Variants in FCHSD2 observed in about 807,000 individuals in gnomAD.
FCHSD2 encodes FCH and double SH3 domains 2.
A neutral mutation model predicts 108.1 loss-of-function variants in FCHSD2; 38 were observed. The observed-to-expected ratio is 0.35, with a 90% CI of 0.27 to 0.46. The LOEUF is 0.46. FCHSD2 is among the 20% of genes least tolerant of loss of function. The pLI, the probability that FCHSD2 is intolerant of heterozygous loss-of-function variation, is 1.00. For missense variants in FCHSD2, 751 were observed against 897.8 expected (o/e 0.84, Z 2.09); for synonymous variants, 279 against 314.7 (o/e 0.89, Z 1.20).
At chr11:72,998,996 TGTTA>T (rs1462339035) in intron 5 of FCHSD2, among the ~76,000 whole-genome samples, 2 of 152,174 alleles carry the variant, frequency 1.3e-5, no homozygotes, top group African/African-American at 4.8e-5. Context: ...TGGAGAGAGT[TGTTA>T]GTGAGTGAAG....
At chr11:72,860,760 G>A (rs1418135102) in intron 13 of FCHSD2, among the ~76,000 whole-genome samples, 3 of 151,988 alleles carry the variant, frequency 2.0e-5, no homozygotes, top group East Asian at 1.9e-4. Flanking sequence ...GGAGGTTGCC[G>A]TCAGCTGAGA....
At chr11:73,042,327 T>C (rs1858660755) in intron 3 of FCHSD2, among the ~76,000 whole-genome samples, 1 of 152,238 alleles carries the variant, frequency 6.6e-6, no homozygotes, top group Non-Finnish European at 1.5e-5. Context: ...CTTTCCCCAA[T>C]ATAAGTTATT....
intron 2 of FCHSD2, among the ~76,000 whole-genome samples, chr11:73,090,037 A>G (rs925912580): frequency 1.3e-5 from 2 of 152,148 alleles, no homozygotes; most frequent in East Asian, 3.8e-4. Flanking sequence ...ATACCTAAAT[A>G]TATCTACAAA....
intron 8 of FCHSD2, among the ~76,000 whole-genome samples, chr11:72,955,401 T>C (rs759985213): frequency 1.7e-4 from 26 of 152,200 alleles, no homozygotes; most frequent in Non-Finnish European, 3.2e-4. Context: ...CTGGGTGGGC[T>C]ACCCTCCAGG....
chr11:72,939,482 T>C (rs1434760875), intron 8 of FCHSD2, among the ~76,000 whole-genome samples: 1 of 152,118 alleles, frequency 6.6e-6, no homozygotes, highest in African/African-American at 2.4e-5. Flanking sequence ...GTTATAGAGA[T>C]TTATTCAGAT....
intron 13 of FCHSD2, among the ~76,000 whole-genome samples, chr11:72,862,856 T>A (rs1854631676): frequency 6.6e-6 from 1 of 152,194 alleles, no homozygotes; most frequent in Non-Finnish European, 1.5e-5. Flanking sequence ...GTCAGTGCAA[T>A]ACCGGCATCA....
intron 5 of FCHSD2, among the ~76,000 whole-genome samples, chr11:72,994,383 A>C (rs908925422): frequency 6.6e-6 from 1 of 152,154 alleles, no homozygotes; most frequent in African/African-American, 2.4e-5. Flanking sequence ...TCTATGAAAA[A>C]GGTAGTAGTA....
intron 3 of FCHSD2, among the ~76,000 whole-genome samples, chr11:73,063,861 G>A (rs1859227060): frequency 6.6e-6 from 1 of 152,068 alleles, no homozygotes; most frequent in Non-Finnish European, 1.5e-5. Flanking sequence ...ACACCCCACT[G>A]TCAATATTAA....
intron 17 of FCHSD2, among the ~76,000 whole-genome samples, chr11:72,841,898 GAAC>G (rs1398771936): frequency 2.0e-5 from 3 of 152,112 alleles, no homozygotes; most frequent in Non-Finnish European, 4.4e-5. Flanking sequence ...ACTTAGCAAA[GAAC>G]AACAACAACA....
chr11:72,983,533 T>A (rs908951249), intron 8 of FCHSD2, among the ~76,000 whole-genome samples: 1 of 152,116 alleles, frequency 6.6e-6, no homozygotes, highest in African/African-American at 2.4e-5. Flanking sequence ...AAAATTGTAG[T>A]TAATAAAAAA....
intron 14 of FCHSD2, among the ~76,000 whole-genome samples, chr11:72,847,822 AG>A (rs1395917002): frequency 6.6e-6 from 1 of 150,724 alleles, no homozygotes; most frequent in Non-Finnish European, 1.5e-5. Flanking sequence ...CCTCCCTAGT[AG>A]CTGAGATTAC....
chr11:72,864,785 G>C (rs369095812), intron 13 of FCHSD2, among the ~76,000 whole-genome samples: 1 of 152,164 alleles, frequency 6.6e-6, no homozygotes, highest in Non-Finnish European at 1.5e-5. Flanking sequence ...ATCTTGGTAT[G>C]GCTTTTGAAT....
chr11:73,051,053 T>C (rs1441503481), intron 3 of FCHSD2, among the ~76,000 whole-genome samples: 1 of 152,216 alleles, frequency 6.6e-6, no homozygotes. Flanking sequence ...CAGTGGCTCA[T>C]GCCTGTAATC....
intron 13 of FCHSD2, among the ~76,000 whole-genome samples, chr11:72,861,950 G>C (rs185602991): frequency 3.0e-4 from 40 of 131,216 alleles, no homozygotes; most frequent in African/African-American, 1.1e-3. Context: ...AAAAAAAAAA[G>C]ATAATATATC....
Position 72,842,594 on chromosome 11 carries a change from AATTCAAC to A in FCHSD2, c.1926+20_1926+26del. ...GAGCAATTTTCTTTAAACATCTTTT[AATTCAAC>A]TGTCTCCCCTCTCAGGTACCTGAAT... On this transcript the variant is annotated intron_variant, in intron 17 of 19. Transcript: ENST00000409418. The A allele has an allele frequency of 6.2e-7, 1 of 1,612,932 alleles. No homozygotes were observed. The highest frequency in any genetic ancestry group is 8.5e-7 in the Non-Finnish European group (1 of 1,179,358).
intron 2 of FCHSD2, among the ~76,000 whole-genome samples, chr11:73,123,005 T>C (rs1860769500): frequency 6.6e-6 from 1 of 152,176 alleles, no homozygotes; most frequent in Admixed American, 6.5e-5. Flanking sequence ...ACCTCATCCT[T>C]CCTTGTCCCA....
chr11:72,959,761 GT>G (rs1490433001), intron 8 of FCHSD2, among the ~76,000 whole-genome samples: 3 of 152,042 alleles, frequency 2.0e-5, no homozygotes, highest in Non-Finnish European at 2.9e-5. Flanking sequence ...TCAGGCACTG[GT>G]CCAACTGAGA....
intron 3 of FCHSD2, among the ~76,000 whole-genome samples, chr11:73,047,795 T>C (rs916062482): frequency 1.3e-5 from 2 of 152,222 alleles, no homozygotes; most frequent in African/African-American, 4.8e-5. Context: ...AAGCACTGTA[T>C]CCCTCAGAAT....
chr11:73,115,566 A>C (rs1393385431), intron 2 of FCHSD2, among the ~76,000 whole-genome samples: 1 of 152,204 alleles, frequency 6.6e-6, no homozygotes, highest in African/African-American at 2.4e-5. Context: ...AAGGTTCTTC[A>C]GAGAAACAGA....
Sources: gnomAD v4.1 joint callset for allele counts (sites outside exome capture counted in the v4.1 genomes callset) on GRCh38, gnomAD v4.1.1 for gene constraint, MANE v1.5 for transcripts, NCBI Gene and HGNC (gene_info 2026-07-23, HGNC 2026-07-21) for gene names.